The following NGLY1 variants were observed in gnomAD, a reference collection of about 807,000 sequenced individuals.
NGLY1 encodes the protein peptide-N(4)-(N-acetyl-beta-glucosaminyl)asparagine amidase.
In NGLY1, 68 loss-of-function variants were observed where a neutral mutation model predicts 84.6. That is an observed-to-expected ratio of 0.80 (90% confidence interval 0.66 to 0.98). The LOEUF (loss-of-function observed/expected upper bound fraction) is 0.98, where lower values mean the gene tolerates loss of function less well. Ranked by LOEUF, NGLY1 falls within the 50% of genes least tolerant of loss-of-function variation. The pLI, the probability that NGLY1 is intolerant of heterozygous loss-of-function variation, is 0.00. For missense variants in NGLY1, 779 were observed against 770.2 expected (o/e 1.01, Z -0.14); for synonymous variants, 280 against 275.2 (o/e 1.02, Z -0.17).
chr3:25,749,075 A>G (rs1231226625), intron 4 of NGLY1, among the ~76,000 whole-genome samples: 3 of 152,236 alleles, frequency 2.0e-5, no homozygotes, highest in Non-Finnish European at 2.9e-5. Flanking sequence ...CATGGCTACT[A>G]TTGAAAAATC....
Position 25,733,819 on chromosome 3 carries a change from C to T in NGLY1, c.1260+53G>A, listed in dbSNP as rs555242613. 19 of 1,252,596 alleles carry T rather than the reference C, an allele frequency of 1.5e-5. No individual in the cohort carries two copies. In the South Asian group the frequency reaches 2.3e-4, roughly 15 times the overall value. The allele number at this position is 1,252,596 out of a possible 1,614,324, so 77.6% of individuals were successfully genotyped here. ...CAATAGGCTAATAAACGGCTATTCT[C>T]GATTACATAAAAAATGTCAACTGTT... On this transcript the variant is annotated intron_variant, in intron 8 of 11. Transcript: ENST00000280700.
At position 25,735,942 on chromosome 3, in the gene NGLY1, T is replaced by A. The variant is rs571069533; in HGVS notation, c.1149+62A>T. On this transcript the variant is annotated intron_variant, in intron 7 of 11. Transcript: ENST00000280700. ...TATGTTAATTATACATTCATGAAGC[T>A]GTCATAAAAGAAAAAAATATATTTT... is the stretch of plus-strand genomic sequence containing the variant. 6.8e-5 allele frequency: 92 copies of A among 1,360,956 alleles called. No individual in the cohort carries two copies. In the African/African-American group the frequency reaches 1.3e-3, roughly 19 times the overall value. The allele number at this position is 1,360,956 out of a possible 1,614,324, so 84.3% of individuals were successfully genotyped here.
chr3:25,753,823 T>C (rs7647315), intron 3 of NGLY1, among the ~76,000 whole-genome samples: 6,089 of 152,020 alleles, frequency 0.04, 373 homozygotes, highest in African/African-American at 0.14. Flanking sequence ...TCTTAGCAAT[T>C]AGAATAAATG....
chr3:25,733,384 C>T (rs573814421), intron 8 of NGLY1, among the ~76,000 whole-genome samples: 13 of 151,982 alleles, frequency 8.6e-5, no homozygotes, highest in African/African-American at 3.1e-4. Context: ...AACCTTTCAT[C>T]TTGGAACTCC....
At chr3:25,726,736 A>G (rs1443993871) in intron 10 of NGLY1, among the ~76,000 whole-genome samples, 2 of 152,212 alleles carry the variant, frequency 1.3e-5, no homozygotes, top group African/African-American at 4.8e-5. Flanking sequence ...TTCTTTAGCG[A>G]GAGCATGGAT....
chr3:25,758,982 C>T (rs1462357174), intron 3 of NGLY1, among the ~76,000 whole-genome samples: 2 of 152,150 alleles, frequency 1.3e-5, no homozygotes, highest in African/African-American at 4.8e-5. Flanking sequence ...ATTCAGCCAG[C>T]CTGGAATTAT....
chr3:25,775,265 G>C (rs141525129), intron 2 of NGLY1, among the ~76,000 whole-genome samples: 347 of 152,254 alleles, frequency 2.3e-3, no homozygotes, highest in African/African-American at 7.8e-3. Context: ...AGTCCAATTG[G>C]GAGCTGCAAG....
chr3:25,779,726 A>G (rs915272053), intron 1 of NGLY1, among the ~76,000 whole-genome samples: 4 of 152,266 alleles, frequency 2.6e-5, no homozygotes, highest in African/African-American at 9.6e-5. Flanking sequence ...TTTTAATTTT[A>G]TAAGTTTTAA....
chr3:25,742,456 C>G (rs1190326979), intron 4 of NGLY1, among the ~76,000 whole-genome samples: 1 of 152,098 alleles, frequency 6.6e-6, no homozygotes, highest in Non-Finnish European at 1.5e-5. Flanking sequence ...TTTAAATAAA[C>G]CCCACACAAC....
chr3:25,744,322 C>G (rs942019070), intron 4 of NGLY1, among the ~76,000 whole-genome samples: 1 of 152,194 alleles, frequency 6.6e-6, no homozygotes, highest in Admixed American at 6.5e-5. Flanking sequence ...CTGGAACATG[C>G]AATCATGACA....
At chr3:25,774,985 TCTA>T (rs1159297318) in intron 2 of NGLY1, among the ~76,000 whole-genome samples, 1 of 152,170 alleles carries the variant, frequency 6.6e-6, no homozygotes, top group Non-Finnish European at 1.5e-5. Flanking sequence ...CGCTGCTTGT[TCTA>T]CTTTTATATT....
At position 25,720,037 on chromosome 3, in the gene NGLY1, G is replaced by A. The variant is rs1432682263; in HGVS notation, c.1766C>T (p.Thr589Ile). The A allele has an allele frequency of 1.2e-6, 2 of 1,613,326 alleles. No homozygotes were observed. Among genetic ancestry groups the A allele is most frequent in the South Asian group, 2.2e-5 (2 of 90,946 alleles). ...ACCGCCTGTCAGTTCTACTTGTGCT[G>A]TATCAGATCGCAATTTCCATTCTAC... is the stretch of plus-strand genomic sequence containing the variant. ...GTVEWKLRSD[T>I]AQVELTGDNS... is the part of the protein sequence containing the mutation. The change falls in exon 11 of 12, where the codon ACA (threonine) becomes ATA (isoleucine). Residue 589 changes from threonine (T) to isoleucine (I), a missense_variant. By Grantham distance (89) the Thr-to-Ile change is moderately conservative (BLOSUM62 -1). Transcript: ENST00000280700.
chr3:25,765,204 A>C (rs552863097), intron 2 of NGLY1, among the ~76,000 whole-genome samples: 6 of 152,228 alleles, frequency 3.9e-5, no homozygotes, highest in Non-Finnish European at 8.8e-5. Context: ...TCACGCCTGT[A>C]ATCCCAGCAC....
chr3:25,784,778 T>C (rs1370841926), upstream of NGLY1, among the ~76,000 whole-genome samples: 6 of 152,242 alleles, frequency 3.9e-5, no homozygotes, highest in African/African-American at 1.2e-4. Context: ...TGTAAATCTT[T>C]GGACCACCTT....
intron 8 of NGLY1, among the ~76,000 whole-genome samples, chr3:25,732,833 C>T (rs1451863209): frequency 1.3e-5 from 2 of 152,112 alleles, no homozygotes; most frequent in Non-Finnish European, 2.9e-5. Context: ...AGTGGAAACA[C>T]ACAAACAGAA....
intron 10 of NGLY1, among the ~76,000 whole-genome samples, chr3:25,721,992 C>T (rs1358601027): frequency 2.6e-5 from 4 of 151,596 alleles, no homozygotes; most frequent in Admixed American, 2.6e-4. Context: ...CTGAGGCAGT[C>T]GGATCACTTG....
rs535113323 is a variant in NGLY1, at chr3:25,766,890, T to C, written c.247-2579A>G. Among the ~76,000 whole-genome samples the C allele has an allele frequency of 2.6e-5, 4 of 152,310 alleles. 1 individual carries two copies. Among genetic ancestry groups the C allele is most frequent in the African/African-American group, 7.2e-5 (3 of 41,564 alleles). On this transcript the variant is annotated intron_variant, in intron 2 of 11. Coordinates refer to ENST00000280700, the MANE Select transcript of NGLY1 (RefSeq NM_018297.4). The stretch of plus-strand genomic sequence containing the variant: ...CTTTACAACCAGTCCTAAAAGAAGA[T>C]ATAATTATGGCCAAAGTGTCTATAT...
intron 2 of NGLY1, among the ~76,000 whole-genome samples, chr3:25,769,097 G>A (rs1186438642): frequency 2.6e-5 from 4 of 151,860 alleles, no homozygotes; most frequent in Non-Finnish European, 5.9e-5. Flanking sequence ...ATTGGCTCAC[G>A]CCTGTAATCC....
chr3:25,749,800 C>A, intron 4 of NGLY1: 1 of 1,292,920 alleles, frequency 7.7e-7, no homozygotes, highest in Non-Finnish European at 1.1e-6. Context: ...ACAATGTTTC[C>A]TCCAAGAACT....
Sources: allele counts gnomAD v4.1 joint callset (sites outside exome capture counted in the v4.1 genomes callset), GRCh38; gene constraint gnomAD v4.1.1; transcripts MANE v1.5; gene names NCBI Gene and HGNC (gene_info 2026-07-23, HGNC 2026-07-21).